Variants in CACUL1 observed in about 807,000 individuals in gnomAD.
The protein encoded by CACUL1 is CDK2 associated cullin domain 1.
CACUL1 carries 13 observed loss-of-function variants against 45.2 expected under a neutral mutation model. The ratio of observed to expected loss-of-function variants is 0.29; its 90% CI spans 0.19 to 0.46. The LOEUF (loss-of-function observed/expected upper bound fraction) is 0.46, where lower values mean the gene tolerates loss of function less well. Ranked by LOEUF, CACUL1 falls within the 20% of genes least tolerant of loss-of-function variation. The pLI, the probability that CACUL1 is intolerant of heterozygous loss-of-function variation, is 1.00. For missense variants in CACUL1, 421 were observed against 471.4 expected (o/e 0.89, Z 0.99); for synonymous variants, 197 against 174.2 (o/e 1.13, Z -1.03).
At chr10:118,691,955 A>C (rs1845275508) in intron 6 of CACUL1, among the ~76,000 whole-genome samples, 1 of 152,046 alleles carries the variant, frequency 6.6e-6, no homozygotes, top group African/African-American at 2.4e-5. Context: ...AATTTAGTGA[A>C]AACCCCTAGG....
At chr10:118,715,224 A>C (rs1360798026) in intron 3 of CACUL1, among the ~76,000 whole-genome samples, 1 of 152,218 alleles carries the variant, frequency 6.6e-6, no homozygotes, top group African/African-American at 2.4e-5. Context: ...ATACACATAC[A>C]TGGTCCTAGT....
In CACUL1 at chr10:118,754,456, C is replaced by A; in HGVS notation, c.307G>T (p.Ala103Ser). Residue 103 changes from alanine (A) to serine (S), a missense_variant, in exon 1 of 9, where the codon GCG becomes TCG. Ala to Ser is a moderately conservative substitution (Grantham distance 99). Coordinates refer to ENST00000369151, the MANE Select transcript of CACUL1 (RefSeq NM_153810.5). ...SCDAAAAVAK[A>S]APAPTASSTI... The stretch of plus-strand genomic sequence containing the variant: ...GAGCTGGCGGTGGGGGCGGGGGCCG[C>A]CTTGGCCACGGCGGCGGCCGCGTCG... The A allele has an allele frequency of 6.3e-7, 1 of 1,598,308 alleles. No homozygotes were observed. The highest frequency in any genetic ancestry group is 1.1e-5 in the South Asian group (1 of 89,294).
chr10:118,742,882 G>A (rs1304355843), intron 1 of CACUL1, among the ~76,000 whole-genome samples: 1 of 152,156 alleles, frequency 6.6e-6, no homozygotes, highest in African/African-American at 2.4e-5. Flanking sequence ...AGAAACTTGG[G>A]AATACATGTG....
rs139978300 is a variant in CACUL1, at chr10:118,729,120, T to C, written c.597+175A>G. On this transcript the variant is annotated intron_variant, in intron 3 of 8. Coordinates refer to ENST00000369151, the MANE Select transcript of CACUL1 (RefSeq NM_153810.5). ...AATTTCCACAATTTATACCAAATTT[T>C]CAAATTAACAATCTATTCCAAAAAT... 781 of 539,220 alleles carry C rather than the reference T, an allele frequency of 1.4e-3. 8 individuals carry two copies. Among genetic ancestry groups the C allele is most frequent in the African/African-American group, 0.014 (733 of 51,004 alleles). The allele number at this position is 539,220 out of a possible 1,614,324, so 33.4% of individuals were successfully genotyped here. A position where few individuals can be genotyped will look rare whatever the true frequency, so the allele number is the denominator to read the frequency against.
intron 2 of CACUL1, among the ~76,000 whole-genome samples, chr10:118,729,678 T>C (rs1374679475): frequency 6.6e-6 from 1 of 152,218 alleles, no homozygotes; most frequent in Non-Finnish European, 1.5e-5. Context: ...AAGGTCTGAA[T>C]ATGATAACTA....
At chr10:118,728,246 T>C (rs1845669186) in intron 3 of CACUL1, among the ~76,000 whole-genome samples, 1 of 152,076 alleles carries the variant, frequency 6.6e-6, no homozygotes, top group African/African-American at 2.4e-5. Context: ...TAAACTGTGG[T>C]TATTTCAAAA....
rs111381027 is a variant in CACUL1 at position 118,726,211 on chromosome 10, G to T, written c.597+3084C>A. The T allele has an allele frequency of 2.5e-5, 19 of 767,482 alleles. No homozygotes were observed. The Middle Eastern group carries it at 3.5e-3, about 142-fold the overall frequency. The allele number at this position is 767,482 out of a possible 1,614,324, so 47.5% of individuals were successfully genotyped here. A position where few individuals can be genotyped will look rare whatever the true frequency, so the allele number is the denominator to read the frequency against. ...CTGTCCCCATGAAAACTGCCTTAAG[G>T]TCTCTATAAAATAAAGATTACATCA... On this transcript the variant is annotated intron_variant, in intron 3 of 8. Transcript: ENST00000369151.
intron 4 of CACUL1, among the ~76,000 whole-genome samples, chr10:118,703,848 T>C (rs1845408112): frequency 6.6e-6 from 1 of 152,230 alleles, no homozygotes; most frequent in African/African-American, 2.4e-5. Context: ...TTCTATGAAC[T>C]GTCTGTTCAT....
chr10:118,688,370 G>C (rs1413734139), intron 7 of CACUL1, among the ~76,000 whole-genome samples: 1 of 152,206 alleles, frequency 6.6e-6, no homozygotes, highest in African/African-American at 2.4e-5. Flanking sequence ...AAACAAACAA[G>C]TTAATGATCA....
chr10:118,732,498 C>T (rs137975338), intron 1 of CACUL1, among the ~76,000 whole-genome samples: 22 of 152,304 alleles, frequency 1.4e-4, no homozygotes, highest in African/African-American at 5.3e-4. Context: ...GCTGCCAGAG[C>T]TTGCTCTGCT....
At chr10:118,746,815 G>A (rs920207334) in intron 1 of CACUL1, among the ~76,000 whole-genome samples, 1 of 152,188 alleles carries the variant, frequency 6.6e-6, no homozygotes, top group African/African-American at 2.4e-5. Flanking sequence ...GCAAGCAAAT[G>A]ATCACATGAA....
chr10:118,742,367 A>G (rs1208157315), intron 1 of CACUL1, among the ~76,000 whole-genome samples: 1 of 152,242 alleles, frequency 6.6e-6, no homozygotes, highest in Non-Finnish European at 1.5e-5. Flanking sequence ...ATGTGAATAC[A>G]TATGGTCTAC....
intron 3 of CACUL1, among the ~76,000 whole-genome samples, chr10:118,727,257 G>A (rs943337463): frequency 2.6e-5 from 4 of 151,916 alleles, no homozygotes; most frequent in African/African-American, 9.7e-5. Flanking sequence ...GCCAGGCATG[G>A]TGGCATGCAC....
At chr10:118,736,055 GT>G (rs1845738194) in intron 1 of CACUL1, among the ~76,000 whole-genome samples, 1 of 152,158 alleles carries the variant, frequency 6.6e-6, no homozygotes, top group South Asian at 2.1e-4. Flanking sequence ...CCAGCAAAAT[GT>G]TCTGCTCCCT....
intron 7 of CACUL1, among the ~76,000 whole-genome samples, chr10:118,687,961 GA>G (rs1845225292): frequency 1.3e-5 from 2 of 152,188 alleles, no homozygotes; most frequent in Admixed American, 1.3e-4. Flanking sequence ...TTGTTGAATT[GA>G]CAAAGTAGTA....
At chr10:118,701,137 T>C (rs1845375842) in intron 5 of CACUL1, among the ~76,000 whole-genome samples, 169 bp downstream of exon 5, 2 of 152,012 alleles carry the variant, frequency 1.3e-5, no homozygotes, top group Non-Finnish European at 2.9e-5. Context: ...GACCTTCAAG[T>C]CCCATTTTTA....
At chr10:118,688,471 G>A (rs1410223522) in intron 7 of CACUL1, among the ~76,000 whole-genome samples, 1 of 152,204 alleles carries the variant, frequency 6.6e-6, no homozygotes, top group East Asian at 1.9e-4. Context: ...AACTGAACAT[G>A]TAAATATAAC....
At chr10:118,721,458 AATTTT>A (rs72082598) in intron 3 of CACUL1, among the ~76,000 whole-genome samples, 10,031 of 152,264 alleles carry the variant, frequency 0.066, 452 homozygotes, top group Non-Finnish European at 0.096. Context: ...ACATCACTCT[AATTTT>A]ATTAAAATGG....
At position 118,686,057 on chromosome 10, in the gene CACUL1, T is replaced by A. The variant is rs1241268624; in HGVS notation, c.*71A>T. On this transcript the variant is annotated 3_prime_UTR_variant, in exon 9 of 9. Transcript: ENST00000369151. ...TCCTGAGTGTGTGCAGCCCCCACTGTGCTCTGAATACAGTCTCTGCAGCTC... is the reference window on the plus strand; with the variant it reads ...TCCTGAGTGTGTGCAGCCCCCACTGAGCTCTGAATACAGTCTCTGCAGCTC... 1 of 1,156,624 alleles carries A rather than the reference T, an allele frequency of 8.6e-7. No individual in the cohort carries two copies. The highest frequency in any genetic ancestry group is 1.3e-6 in the Non-Finnish European group (1 of 767,228). 71.6% of individuals were successfully genotyped at this position (1,156,624 alleles called of 1,614,324 possible).
Sources: gnomAD v4.1 joint callset for allele counts (sites outside exome capture counted in the v4.1 genomes callset) on GRCh38, gnomAD v4.1.1 for gene constraint, MANE v1.5 for transcripts, NCBI Gene and HGNC (gene_info 2026-07-23, HGNC 2026-07-21) for gene names.